ANKFN1: variants seen among roughly 807,000 people sequenced by gnomAD.
The protein encoded by ANKFN1 is ankyrin repeat and fibronectin type III domain containing 1.
Under a neutral mutation model 108.7 loss-of-function variants are expected in ANKFN1, and 74 were observed. That is an observed-to-expected ratio of 0.68 (90% confidence interval 0.56 to 0.83). The LOEUF is 0.83. Ranked by LOEUF, ANKFN1 falls within the 40% of genes least tolerant of loss-of-function variation. The probability of loss-of-function intolerance (pLI) is 0.00; values close to 1 mark genes in which losing one functional copy is unlikely to be tolerated. For missense variants in ANKFN1, 1,505 were observed against 1,382.3 expected (o/e 1.09, Z -1.41); for synonymous variants, 547 against 516.2 (o/e 1.06, Z -0.81).
intron 8 of ANKFN1, among the ~76,000 whole-genome samples, chr17:56,438,830 T>C (rs1479716890): frequency 6.6e-6 from 1 of 152,022 alleles, no homozygotes; most frequent in African/African-American, 2.4e-5. Flanking sequence ...AAAAAGTGGA[T>C]AAAGTCAATA....
chr17:56,316,510 G>C (rs143719806), intron 3 of ANKFN1, among the ~76,000 whole-genome samples: 70 of 152,238 alleles, frequency 4.6e-4, no homozygotes, highest in African/African-American at 1.5e-3. Context: ...GGAAAATACG[G>C]AAGGCTTCTT....
Position 56,052,511 on chromosome 17 carries a change from G to T in ANKFN1, c.288+6186G>T, listed in dbSNP as rs901492286. ...TGGTAGTATTTAAGAAAGACATTAG[G>T]AGGACTTTCTAAATGATAACACTTC... On this transcript the variant is annotated intron_variant, in intron 4 of 12. Transcript: ENST00000635860. 2.6e-5 allele frequency among the ~76,000 whole-genome samples: 4 copies of T among 152,326 alleles called. No homozygotes were observed. The East Asian group carries it at 7.7e-4, about 29-fold the overall frequency.
Position 56,063,199 on chromosome 17 carries a change from A to G in ANKFN1, c.288+16874A>G, listed in dbSNP as rs571933498. Among the ~76,000 whole-genome samples, 66 of 151,970 alleles carry G rather than the reference A, an allele frequency of 4.3e-4. 1 individual carries two copies. The highest frequency in any genetic ancestry group is 1.4e-3 in the African/African-American group (60 of 41,452). On this transcript the variant is annotated intron_variant, in intron 4 of 12. Coordinates refer to the ANKFN1 transcript ENST00000635860. Reference sequence around the variant, plus strand: ...CCTTAACATTTTTCCCTTCATTTCAACCTTAGAGAATCCGAAGATTATATG... The same window carrying G: ...CCTTAACATTTTTCCCTTCATTTCAGCCTTAGAGAATCCGAAGATTATATG...
Position 56,452,718 on chromosome 17 carries a change from C to G in ANKFN1, c.1207+3532C>G, listed in dbSNP as rs145214620. On this transcript the variant is annotated intron_variant, in intron 11 of 20. Transcript: ENST00000682825. ...TAGAATATTTAATGCTTGCATGTGCCCTTTTCCCAACTGGTAGCAGTACTT... is the reference window on the plus strand; with the variant it reads ...TAGAATATTTAATGCTTGCATGTGCGCTTTTCCCAACTGGTAGCAGTACTT... Among the ~76,000 whole-genome samples, 807 of 152,248 alleles carry G rather than the reference C, an allele frequency of 5.3e-3. 5 individuals are homozygous for G. Among genetic ancestry groups the G allele is most frequent in the Middle Eastern group, 0.02 (6 of 294 alleles).
At chr17:56,437,746 GAAAC>G in intron 8 of ANKFN1, among the ~76,000 whole-genome samples, 1 of 151,932 alleles carries the variant, frequency 6.6e-6, no homozygotes. Flanking sequence ...TTGAAAAATG[GAAAC>G]ATACATGTAA....
intron 8 of ANKFN1, among the ~76,000 whole-genome samples, chr17:56,392,069 A>G (rs2047456301): frequency 6.6e-6 from 1 of 152,172 alleles, no homozygotes; most frequent in Admixed American, 6.5e-5. Context: ...AGTGGTTCCT[A>G]CATGCCAAGC....
intron 3 of ANKFN1, among the ~76,000 whole-genome samples, chr17:56,322,002 G>A (rs1345160911): frequency 6.6e-6 from 1 of 152,126 alleles, no homozygotes; most frequent in Non-Finnish European, 1.5e-5. Flanking sequence ...AATGTTGCTA[G>A]AGGCAGCTCA....
chr17:56,216,343 C>A (rs1915424037), intron 2 of ANKFN1, among the ~76,000 whole-genome samples: 1 of 152,148 alleles, frequency 6.6e-6, no homozygotes, highest in Non-Finnish European at 1.5e-5. Context: ...TGGACAGTAG[C>A]CTACGAGACA....
At chr17:56,395,337 G>A (rs921597227) in intron 8 of ANKFN1, among the ~76,000 whole-genome samples, 2 of 152,080 alleles carry the variant, frequency 1.3e-5, no homozygotes, top group African/African-American at 2.4e-5. Context: ...CCAATCAGAC[G>A]CTGTTGTGTG....
At position 56,141,791 on chromosome 17, in the gene ANKFN1, G is replaced by T. The variant is rs372184877; in HGVS notation, c.289-86126G>T. On this transcript the variant is annotated intron_variant, in intron 4 of 12. Coordinates refer to the ANKFN1 transcript ENST00000635860. ...CTGAAGCAGAACAATCAGTGTGGGG[G>T]TGGATAATTTCCACAAATTCATGAA... is the stretch of plus-strand genomic sequence containing the variant. Among the ~76,000 whole-genome samples, 89 of 152,192 alleles carry T rather than the reference G, an allele frequency of 5.8e-4. 1 individual carries two copies. In the South Asian group the frequency reaches 0.018, roughly 30 times the overall value.
intron 1 of ANKFN1, among the ~76,000 whole-genome samples, chr17:56,183,498 G>A (rs1355069083): frequency 6.6e-6 from 1 of 152,170 alleles, no homozygotes; most frequent in Non-Finnish European, 1.5e-5. Context: ...CCTTGGTAAT[G>A]AGTGAGTTCT....
chr17:56,328,553 G>C (rs1442075646), intron 4 of ANKFN1, among the ~76,000 whole-genome samples: 1 of 152,102 alleles, frequency 6.6e-6, no homozygotes, highest in Non-Finnish European at 1.5e-5. Flanking sequence ...ATTCTGCTTT[G>C]TATTTGCTTC....
intron 4 of ANKFN1, among the ~76,000 whole-genome samples, chr17:56,137,412 T>G (rs1417528486): frequency 6.6e-6 from 1 of 152,194 alleles, no homozygotes; most frequent in Non-Finnish European, 1.5e-5. Context: ...TTGCCCAAGT[T>G]TCCCTTATTT....
intron 4 of ANKFN1, among the ~76,000 whole-genome samples, chr17:56,140,054 G>A (rs575529391): frequency 2.0e-5 from 3 of 152,274 alleles, no homozygotes; most frequent in Admixed American, 6.5e-5. Flanking sequence ...CCACTTAAGC[G>A]ATTGCTTGAT....
intron 4 of ANKFN1, among the ~76,000 whole-genome samples, chr17:56,329,406 A>G (rs78750442): frequency 0.041 from 6,239 of 152,144 alleles, 238 homozygotes; most frequent in African/African-American, 0.1. Context: ...TTCCTCATTC[A>G]TCATTCAAAA....
intron 1 of ANKFN1, among the ~76,000 whole-genome samples, chr17:56,167,262 TATATATATATAC>T (rs1188179258): frequency 1.8e-5 from 1 of 56,680 alleles, no homozygotes; most frequent in Non-Finnish European, 3.6e-5. Context: ...TATGTGTGTG[TATATATATATAC>T]ATATATATAT....
intron 3 of ANKFN1, among the ~76,000 whole-genome samples, chr17:56,263,373 T>C (rs575123367): frequency 6.6e-6 from 1 of 152,386 alleles, no homozygotes; most frequent in South Asian, 2.1e-4. Flanking sequence ...CAGGGTGGTC[T>C]GAAACTGGGG....
At chr17:56,483,603 G>T (rs185562773) in intron 18 of ANKFN1, among the ~76,000 whole-genome samples, 2 of 152,306 alleles carry the variant, frequency 1.3e-5, no homozygotes, top group African/African-American at 4.8e-5. Flanking sequence ...AATCAGACTC[G>T]TAGACTGGGA....
intron 6 of ANKFN1, among the ~76,000 whole-genome samples, chr17:56,360,628 T>C (rs2046492060): frequency 6.6e-6 from 1 of 152,196 alleles, no homozygotes; most frequent in Admixed American, 6.5e-5. Context: ...GCCTATTTCT[T>C]TTGAGGGGTG....
Sources: allele counts gnomAD v4.1 joint callset (sites outside exome capture counted in the v4.1 genomes callset), GRCh38; gene constraint gnomAD v4.1.1; transcripts MANE v1.5; gene names NCBI Gene and HGNC (gene_info 2026-07-23, HGNC 2026-07-21).